The following SLIT3 variants were observed in gnomAD, a reference collection of about 807,000 sequenced individuals.
SLIT3 encodes slit homolog 3 protein.
A neutral mutation model predicts 184.0 loss-of-function variants in SLIT3; 68 were observed. That is an observed-to-expected ratio of 0.37 (90% CI 0.30 to 0.45). The LOEUF (loss-of-function observed/expected upper bound fraction) is 0.45. Ranked by LOEUF, SLIT3 falls within the 20% of genes least tolerant of loss-of-function variation. The pLI is 1.00. For synonymous variants in SLIT3, 831 were observed against 828.6 expected (o/e 1.00, Z -0.05); for missense variants, 1,707 against 2,026.0 (o/e 0.84, Z 3.02).
At chr5:168,873,291 A>T (rs959515858) in intron 5 of SLIT3, among the ~76,000 whole-genome samples, 3 of 152,092 alleles carry the variant, frequency 2.0e-5, no homozygotes, top group Non-Finnish European at 4.4e-5. Flanking sequence ...GAGGATAAGC[A>T]ACTTTTCCCT....
chr5:169,189,527 GAT>G (rs4042723), intron 4 of SLIT3, among the ~76,000 whole-genome samples: 164 of 80,072 alleles, frequency 2.0e-3, no homozygotes, highest in Non-Finnish European at 2.5e-3. Context: ...AGATAGATGG[GAT>G]ATATATATAT....
intron 4 of SLIT3, among the ~76,000 whole-genome samples, chr5:168,892,419 C>T (rs923221950): frequency 9.9e-5 from 15 of 152,246 alleles, no homozygotes; most frequent in East Asian, 1.9e-4. Context: ...GCTGTAGCTA[C>T]GCAGCATCTC....
At chr5:169,088,298 A>T (rs925561175) in intron 4 of SLIT3, among the ~76,000 whole-genome samples, 1 of 152,168 alleles carries the variant, frequency 6.6e-6, no homozygotes, top group African/African-American at 2.4e-5. Flanking sequence ...GTGTTTCAGA[A>T]GACACAGCAC....
chr5:169,121,560 C>T (rs1034829458), intron 4 of SLIT3, among the ~76,000 whole-genome samples: 15 of 152,258 alleles, frequency 9.9e-5, no homozygotes, highest in Middle Eastern at 3.4e-3. Flanking sequence ...TCATTCATTC[C>T]GATATTCCTG....
chr5:168,685,823 T>A lies in SLIT3; in HGVS notation c.3419A>T (p.Glu1140Val). 1 of 1,613,826 alleles carries A rather than the reference T, an allele frequency of 6.2e-7. No homozygotes were observed. Among genetic ancestry groups the A allele is most frequent in the Non-Finnish European group, 8.5e-7 (1 of 1,179,966 alleles). Reference protein sequence around the residue: ...NGAQCIVVQQEPTCRCPPGFA... With the variant: ...NGAQCIVVQQVPTCRCPPGFA... Reference sequence around the variant, plus strand: ...GCCTGGTGGGCAGCGGCAGGTGGGCTCCTGCTGCACCACGATGCACTGGGC... The same window carrying A: ...GCCTGGTGGGCAGCGGCAGGTGGGCACCTGCTGCACCACGATGCACTGGGC... The change falls in exon 31 of 36, where the codon GAG (glutamate) becomes GTG (valine). Residue 1140 changes from glutamate (E) to valine (V), a missense_variant. Coordinates refer to ENST00000519560, the MANE Select transcript of SLIT3 (RefSeq NM_003062.4).
intron 12 of SLIT3, among the ~76,000 whole-genome samples, chr5:168,778,241 T>G (rs563372381): frequency 2.1e-4 from 32 of 152,326 alleles, no homozygotes; most frequent in Middle Eastern, 3.4e-3. Context: ...AACAGCACTA[T>G]GATTATCTTC....
intron 3 of SLIT3, among the ~76,000 whole-genome samples, chr5:169,223,027 T>C (rs1017003499): frequency 6.6e-6 from 1 of 152,226 alleles, no homozygotes; most frequent in Admixed American, 6.5e-5. Context: ...AAAGGGGCAC[T>C]GTGACCTAAT....
intron 5 of SLIT3, among the ~76,000 whole-genome samples, chr5:168,871,244 C>T (rs191161591): frequency 4.2e-4 from 64 of 152,294 alleles, no homozygotes; most frequent in African/African-American, 1.5e-3. Flanking sequence ...ATTGGATCCC[C>T]TCAAATAATC....
intron 4 of SLIT3, among the ~76,000 whole-genome samples, chr5:168,984,708 T>G (rs1755067519): frequency 6.6e-6 from 1 of 152,198 alleles, no homozygotes; most frequent in Non-Finnish European, 1.5e-5. Flanking sequence ...TGGGCTACTT[T>G]CAGAATTTAG....
At chr5:169,110,623 G>C (rs898590780) in intron 4 of SLIT3, among the ~76,000 whole-genome samples, 6 of 152,106 alleles carry the variant, frequency 3.9e-5, no homozygotes, top group African/African-American at 1.4e-4. Context: ...ATCTAAACTT[G>C]ATCATCTGTA....
intron 4 of SLIT3, among the ~76,000 whole-genome samples, chr5:168,986,457 C>T (rs1755135491): frequency 6.6e-6 from 1 of 152,152 alleles, no homozygotes; most frequent in Non-Finnish European, 1.5e-5. Context: ...CACATTGGTA[C>T]ATTGGTAGCT....
chr5:169,181,612 G>T (rs548247245), intron 4 of SLIT3, among the ~76,000 whole-genome samples: 1 of 151,790 alleles, frequency 6.6e-6, no homozygotes, highest in African/African-American at 2.4e-5. Context: ...GTGGTGGCGC[G>T]TACCTGTAGT....
Position 168,680,840 on chromosome 5 carries a change from A to G in SLIT3, c.3686+3126T>C, listed in dbSNP as rs573198980. ...CAGCTCAAACACCACCTCCTCCTCCAAGGTCCTCCAAGCAAAAATATTTGC... is the reference window on the plus strand; with the variant it reads ...CAGCTCAAACACCACCTCCTCCTCCGAGGTCCTCCAAGCAAAAATATTTGC... On this transcript the variant is annotated intron_variant, in intron 32 of 35. Transcript: ENST00000519560. Among the ~76,000 whole-genome samples the G allele has an allele frequency of 5.1e-4, 78 of 152,106 alleles. 1 individual carries two copies. Among genetic ancestry groups the G allele is most frequent in the Middle Eastern group, 3.4e-3 (1 of 292 alleles).
At chr5:169,246,499 CCT>C (rs1346834458) in intron 2 of SLIT3, among the ~76,000 whole-genome samples, 1 of 152,180 alleles carries the variant, frequency 6.6e-6, no homozygotes, top group Non-Finnish European at 1.5e-5. Context: ...AACTAGCCAA[CCT>C]CTCTCAGATT....
chr5:168,758,740 G>T (rs4867891), intron 16 of SLIT3, among the ~76,000 whole-genome samples: 10,519 of 152,230 alleles, frequency 0.069, 487 homozygotes, highest in Non-Finnish European at 0.1. Context: ...TCCAGATGCT[G>T]CCCAGGGCCT....
At chr5:169,119,880 C>G (rs1760818356) in intron 4 of SLIT3, 1 of 152,150 alleles carries the variant, frequency 6.6e-6, no homozygotes, top group Non-Finnish European at 1.5e-5. Flanking sequence ...ACTCATGAAA[C>G]CACACCAAAG....
At chr5:168,684,902 A>G (rs1039326373) in intron 31 of SLIT3, among the ~76,000 whole-genome samples, 8 of 152,054 alleles carry the variant, frequency 5.3e-5, no homozygotes, top group African/African-American at 1.4e-4. Flanking sequence ...CAGACTAGCT[A>G]CACATGAATC....
rs72826579 is a variant in SLIT3 at position 169,050,981 on chromosome 5, T to C, written c.413+142498A>G. On this transcript the variant is annotated intron_variant, in intron 4 of 35. Coordinates refer to ENST00000519560, the MANE Select transcript of SLIT3 (RefSeq NM_003062.4). ...TTGGTTATCTGACATAACTTCTCTC[T>C]TACTGGCTTTTGTTTTATCTGAAAA... Among the ~76,000 whole-genome samples, 530 of 152,368 alleles carry C rather than the reference T, an allele frequency of 3.5e-3. 3 individuals are homozygous for C. Among genetic ancestry groups the C allele is most frequent in the Non-Finnish European group, 3.9e-3 (263 of 68,040 alleles).
At chr5:169,187,567 T>A (rs297890) in intron 4 of SLIT3, among the ~76,000 whole-genome samples, 81,007 of 149,070 alleles carry the variant, frequency 0.54, 22,570 homozygotes, top group African/African-American at 0.62. Flanking sequence ...TTCTTTTTTT[T>A]TTTTTTTGAG....
Sources: gnomAD v4.1 joint callset for allele counts (sites outside exome capture counted in the v4.1 genomes callset) on GRCh38, gnomAD v4.1.1 for gene constraint, MANE v1.5 for transcripts, NCBI Gene and HGNC (gene_info 2026-07-23, HGNC 2026-07-21) for gene names.